NR6A1: variants seen among roughly 807,000 people sequenced by gnomAD.
NR6A1 encodes the protein retinoic acid receptor-related testis-associated receptor.
NR6A1 carries 7 observed loss-of-function variants against 59.1 expected under a neutral mutation model. The observed-to-expected ratio is 0.12, with a 90% CI of 0.07 to 0.22. The LOEUF (loss-of-function observed/expected upper bound fraction) is 0.22. Among genes scored for constraint, NR6A1 ranks in the 10% least tolerant of loss-of-function variants. The pLI, the probability that NR6A1 is intolerant of heterozygous loss-of-function variation, is 1.00. For missense variants in NR6A1, 468 were observed against 611.6 expected, an observed-to-expected ratio of 0.77 and a Z score of 2.48; for synonymous variants, 243 against 236.1, an observed-to-expected ratio of 1.03 and a Z score of -0.27.
At chr9:124,541,575 G>C (rs944603097) in intron 4 of NR6A1, among the ~76,000 whole-genome samples, 11 of 152,224 alleles carry the variant, frequency 7.2e-5, no homozygotes, top group African/African-American at 2.4e-4. Context: ...CTTGTGCACT[G>C]TTAGTGGGAA....
chr9:124,673,986 C>T (rs181616398), intron 2 of NR6A1, among the ~76,000 whole-genome samples: 51 of 152,288 alleles, frequency 3.3e-4, no homozygotes, highest in African/African-American at 1.2e-3. Context: ...CTTCAAATCT[C>T]AGCTCTGTCC....
intron 2 of NR6A1, among the ~76,000 whole-genome samples, chr9:124,653,428 T>G (rs557093209): frequency 6.6e-6 from 1 of 152,290 alleles, no homozygotes; most frequent in East Asian, 1.9e-4. Flanking sequence ...TGTTGTTGTT[T>G]TTTAAGAGAC....
intron 2 of NR6A1, among the ~76,000 whole-genome samples, chr9:124,644,561 A>C (rs1236145609): frequency 1.3e-5 from 2 of 152,014 alleles, no homozygotes; most frequent in Non-Finnish European, 2.9e-5. Flanking sequence ...CAATTAAGTC[A>C]CTTTCTAAGC....
At chr9:124,682,384 T>C (rs1035297185) in intron 2 of NR6A1, among the ~76,000 whole-genome samples, 4 of 152,214 alleles carry the variant, frequency 2.6e-5, no homozygotes, top group South Asian at 2.1e-4. Flanking sequence ...AACTGACTAT[T>C]AAAAAATCTT....
At chr9:124,755,750 A>T (rs1159832903) in intron 1 of NR6A1, among the ~76,000 whole-genome samples, 1 of 152,202 alleles carries the variant, frequency 6.6e-6, no homozygotes, top group Non-Finnish European at 1.5e-5. Flanking sequence ...TAAAACATTA[A>T]TATTTTTACT....
intron 1 of NR6A1, among the ~76,000 whole-genome samples, chr9:124,739,926 C>T (rs191670815): frequency 3.9e-5 from 6 of 152,328 alleles, no homozygotes; most frequent in African/African-American, 1.4e-4. Context: ...GCTAGTTACT[C>T]AGTCTCTTTT....
At chr9:124,552,911 A>G (rs1410901565) in intron 3 of NR6A1, among the ~76,000 whole-genome samples, 1 of 152,110 alleles carries the variant, frequency 6.6e-6, no homozygotes. Flanking sequence ...ACACAATAAA[A>G]CCAGTCTGAG....
At chr9:124,691,313 A>AT (rs1838537268) in intron 2 of NR6A1, among the ~76,000 whole-genome samples, 1 of 152,166 alleles carries the variant, frequency 6.6e-6, no homozygotes, top group Non-Finnish European at 1.5e-5. Flanking sequence ...AGTGGTTGAT[A>AT]TTTTTTCTTT....
chr9:124,611,541 G>C (rs974307192), intron 2 of NR6A1, among the ~76,000 whole-genome samples: 2 of 151,954 alleles, frequency 1.3e-5, no homozygotes, highest in Admixed American at 6.6e-5. Context: ...TTTGAGACCA[G>C]CCTGGGCAAT....
chr9:124,672,792 C>T (rs1284060403), intron 2 of NR6A1, among the ~76,000 whole-genome samples: 1 of 151,766 alleles, frequency 6.6e-6, no homozygotes, highest in African/African-American at 2.4e-5. Flanking sequence ...TTTAAAATTT[C>T]ATTTCTCTGA....
intron 2 of NR6A1, among the ~76,000 whole-genome samples, chr9:124,556,947 A>C (rs183263935): frequency 1.6e-4 from 24 of 152,076 alleles, no homozygotes; most frequent in African/African-American, 5.8e-4. Flanking sequence ...AGGTACTCAC[A>C]GACAAGTACA....
Position 124,601,574 on chromosome 9 carries a change from A to C in NR6A1, c.143-47004T>G, listed in dbSNP as rs1291205152. ...ACTCCAGCCTGGGCGACAGAGGGAGACTCTGTGTCAAAAAAAAAAAAAAAA... is the reference window on the plus strand; with the variant it reads ...ACTCCAGCCTGGGCGACAGAGGGAGCCTCTGTGTCAAAAAAAAAAAAAAAA... On this transcript the variant is annotated intron_variant, in intron 2 of 9. Transcript: ENST00000487099. Among the ~76,000 whole-genome samples, 8 of 131,048 alleles carry C rather than the reference A, an allele frequency of 6.1e-5. No homozygotes were observed. The East Asian group carries it at 1.7e-3, about 28-fold the overall frequency. 86.0% of individuals were successfully genotyped at this position (131,048 alleles called of 152,430 possible).
chr9:124,526,368 T>A (rs1224281581), intron 8 of NR6A1, among the ~76,000 whole-genome samples: 1 of 152,120 alleles, frequency 6.6e-6, no homozygotes, highest in Non-Finnish European at 1.5e-5. Context: ...ACTGCCAGCC[T>A]GTCACAGAGG....
At chr9:124,709,369 T>C (rs1013254635) in intron 2 of NR6A1, among the ~76,000 whole-genome samples, 1 of 152,112 alleles carries the variant, frequency 6.6e-6, no homozygotes, top group African/African-American at 2.4e-5. Flanking sequence ...CCTTCCTAAG[T>C]GTTTACAATT....
At chr9:124,729,314 G>A (rs575849776) in intron 2 of NR6A1, among the ~76,000 whole-genome samples, 2 of 152,236 alleles carry the variant, frequency 1.3e-5, no homozygotes, top group African/African-American at 4.8e-5. Flanking sequence ...GAAAATGTAT[G>A]AAAGAAACAA....
chr9:124,714,324 C>G (rs1398835422), intron 2 of NR6A1, among the ~76,000 whole-genome samples: 1 of 152,136 alleles, frequency 6.6e-6, no homozygotes, highest in African/African-American at 2.4e-5. Flanking sequence ...AGCTGCACAA[C>G]CAGTGTGAAT....
At chr9:124,696,686 C>A (rs10986399) in intron 2 of NR6A1, among the ~76,000 whole-genome samples, 1 of 152,006 alleles carries the variant, frequency 6.6e-6, no homozygotes, top group South Asian at 2.1e-4. Flanking sequence ...CCACGCCTGG[C>A]TAATTTTTGT....
chr9:124,595,898 C>A, intron 2 of NR6A1: 1 of 1,014,762 alleles, frequency 9.9e-7, no homozygotes, highest in Non-Finnish European at 1.3e-6. Context: ...CGACAGTCAT[C>A]CTCACAGGTC....
At chr9:124,623,669 T>G (rs1836147936) in intron 2 of NR6A1, among the ~76,000 whole-genome samples, 2 of 152,084 alleles carry the variant, frequency 1.3e-5, no homozygotes, top group African/African-American at 4.8e-5. Context: ...GTCCAATTAC[T>G]TAGAATCATA....
Sources: allele counts gnomAD v4.1 joint callset (sites outside exome capture counted in the v4.1 genomes callset), GRCh38; gene constraint gnomAD v4.1.1; transcripts MANE v1.5; gene names NCBI Gene and HGNC (gene_info 2026-07-23, HGNC 2026-07-21).